BRAF: variants seen among roughly 807,000 people sequenced by gnomAD.
BRAF encodes the protein serine/threonine-protein kinase B-raf.
A neutral mutation model predicts 104.6 loss-of-function variants in BRAF; 16 were observed. The observed-to-expected ratio is 0.15, with a 90% CI of 0.10 to 0.23. The LOEUF (loss-of-function observed/expected upper bound fraction) is 0.23. Among genes scored for constraint, BRAF ranks in the 10% least tolerant of loss-of-function variants. The pLI, the probability that BRAF is intolerant of heterozygous loss-of-function variation, is 1.00. For missense variants in BRAF, 541 were observed against 937.3 expected (o/e 0.58, Z 5.52); for synonymous variants, 310 against 341.6 (o/e 0.91, Z 1.02).
At chr7:140,899,281 T>C (rs1356829125) in intron 1 of BRAF, among the ~76,000 whole-genome samples, 4 of 136,204 alleles carry the variant, frequency 2.9e-5, no homozygotes, top group African/African-American at 1.1e-4. Context: ...ACCCAATTCC[T>C]ACTTAATCAG....
intron 1 of BRAF, among the ~76,000 whole-genome samples, chr7:140,880,307 A>T (rs900715875): frequency 2.0e-5 from 3 of 152,220 alleles, no homozygotes. Flanking sequence ...GCTCATCTAT[A>T]AGAAGCAACT....
chr7:140,784,777 T>A (rs2129028437), intron 10 of BRAF, among the ~76,000 whole-genome samples: 1 of 152,184 alleles, frequency 6.6e-6, no homozygotes, highest in African/African-American at 2.4e-5. Flanking sequence ...CCCAAGTAGC[T>A]GGGATTACAG....
At chr7:140,818,946 CAAA>C (rs1470717528) in intron 3 of BRAF, among the ~76,000 whole-genome samples, 3 of 152,120 alleles carry the variant, frequency 2.0e-5, no homozygotes, top group Admixed American at 6.6e-5. Context: ...AACTTAAAAA[CAAA>C]GAAGATACTG....
intron 1 of BRAF, among the ~76,000 whole-genome samples, chr7:140,856,772 A>C (rs999161337): frequency 3.3e-5 from 5 of 152,208 alleles, no homozygotes; most frequent in African/African-American, 1.2e-4. Flanking sequence ...GCTGGCCATA[A>C]ATTTTCCAAA....
chr7:140,742,661 C>T (rs926275963), intron 17 of BRAF, among the ~76,000 whole-genome samples: 5 of 152,168 alleles, frequency 3.3e-5, no homozygotes, highest in Non-Finnish European at 7.3e-5. Context: ...AAAGGCACAC[C>T]TTTAGGACTT....
chr7:140,824,644 T>C (rs1054740018), intron 3 of BRAF, among the ~76,000 whole-genome samples: 3 of 151,620 alleles, frequency 2.0e-5, no homozygotes, highest in African/African-American at 7.3e-5. Context: ...GGACTTTCTA[T>C]TTCTGAGGAA....
chr7:140,828,965 C>G (rs1440869952), intron 3 of BRAF, among the ~76,000 whole-genome samples: 1 of 152,152 alleles, frequency 6.6e-6, no homozygotes, highest in African/African-American at 2.4e-5. Context: ...ACACTCACAA[C>G]TGACTGACTG....
chr7:140,714,288 A>C, the BRAF span, among the ~76,000 whole-genome samples: 1 of 152,162 alleles, frequency 6.6e-6, no homozygotes, highest in Admixed American at 6.5e-5. Flanking sequence ...AGGAGTTTTT[A>C]CTTTTTCTAA....
rs572213495 is a variant in BRAF at position 140,853,660 on chromosome 7, T to C, written c.139-3448A>G. The stretch of plus-strand genomic sequence containing the variant: ...TGTCTTACCAAGTTCATTCATCTCT[T>C]TATCCCAATGTCACCTTATCAATGA... On this transcript the variant is annotated intron_variant, in intron 1 of 19. Coordinates refer to ENST00000644969, the MANE Select transcript of BRAF (RefSeq NM_001374258.1). Among the ~76,000 whole-genome samples the C allele has an allele frequency of 9.2e-5, 14 of 152,300 alleles. No homozygotes were observed. The South Asian group carries it at 2.7e-3, about 29-fold the overall frequency.
At chr7:140,921,943 A>C (rs926803746) in intron 1 of BRAF, among the ~76,000 whole-genome samples, 2 of 152,224 alleles carry the variant, frequency 1.3e-5, no homozygotes, top group African/African-American at 4.8e-5. Context: ...GGAAGACTTC[A>C]AATAAAAGAC....
rs1411985503 is a variant in BRAF, at chr7:140,763,230, C to T, written c.1815-8997G>A. On this transcript the variant is annotated intron_variant, in intron 14 of 19. Transcript: ENST00000644969. ...CTCCCGGACGAGGCGGCTGGCCGGG[C>T]GGGGGGCTGACCCCCCAACCTCCCT... 7.9e-5 allele frequency among the ~76,000 whole-genome samples: 12 copies of T among 151,664 alleles called. No individual in the cohort carries two copies. In the South Asian group the frequency reaches 8.3e-4, roughly 11 times the overall value.
At position 140,725,527 on chromosome 7, in the gene BRAF, T is replaced by C. The variant is rs924864899; in HGVS notation, c.*967A>G. On this transcript the variant is annotated 3_prime_UTR_variant, in exon 20 of 20. Coordinates refer to ENST00000644969, the MANE Select transcript of BRAF (RefSeq NM_001374258.1). Reference sequence around the variant, plus strand: ...AAACCTGTACCTTATATTTAAATTATCTAAATTTCTCACATTCAAAACTGT... The same window carrying C: ...AAACCTGTACCTTATATTTAAATTACCTAAATTTCTCACATTCAAAACTGT... The C allele has an allele frequency of 1.0e-6, 1 of 1,004,900 alleles. No homozygotes were observed. Among genetic ancestry groups the C allele is most frequent in the Non-Finnish European group, 1.2e-6 (1 of 829,540 alleles). 62.2% of individuals were successfully genotyped at this position (1,004,900 alleles called of 1,614,324 possible).
At chr7:140,804,719 G>C (rs1803480698) in intron 5 of BRAF, among the ~76,000 whole-genome samples, 1 of 151,970 alleles carries the variant, frequency 6.6e-6, no homozygotes, top group African/African-American at 2.4e-5. Context: ...TATACAACAT[G>C]AATTAGAACT....
intron 2 of BRAF, among the ~76,000 whole-genome samples, chr7:140,842,464 A>C (rs1808067594): frequency 6.6e-6 from 1 of 152,186 alleles, no homozygotes; most frequent in Non-Finnish European, 1.5e-5. Flanking sequence ...ATTCAACCAT[A>C]AATTCTGAAG....
At chr7:140,902,920 CTT>C (rs111746402) in intron 1 of BRAF, among the ~76,000 whole-genome samples, 20 of 125,486 alleles carry the variant, frequency 1.6e-4, no homozygotes, top group East Asian at 6.7e-4. Flanking sequence ...GACAGGATGA[CTT>C]TTTTTTTTTT....
intron 19 of BRAF, among the ~76,000 whole-genome samples, chr7:140,727,185 C>CTT (rs927393889): frequency 1.4e-4 from 18 of 128,648 alleles, no homozygotes; most frequent in African/African-American, 2.2e-4. Context: ...TTATTTTTTT[C>CTT]TTTTTTTTTT....
chr7:140,785,022 T>C (rs952991616), intron 10 of BRAF, among the ~76,000 whole-genome samples: 2 of 152,350 alleles, frequency 1.3e-5, no homozygotes, highest in South Asian at 2.1e-4. Flanking sequence ...GAAATTATAC[T>C]GTAAACTTTC....
At chr7:140,897,827 T>A (rs1815136536) in intron 1 of BRAF, among the ~76,000 whole-genome samples, 1 of 151,522 alleles carries the variant, frequency 6.6e-6, no homozygotes, top group African/African-American at 2.4e-5. Context: ...AAAATCAAAA[T>A]CAAAATCAAA....
At chr7:140,753,137 A>T (rs373550506) in intron 16 of BRAF, 138 bp downstream of exon 15, 2 of 683,952 alleles carry the variant, frequency 2.9e-6, no homozygotes. Flanking sequence ...TATTTACATA[A>T]AAAATAAGAA....
Sources: gnomAD v4.1 joint callset for allele counts (sites outside exome capture counted in the v4.1 genomes callset) on GRCh38, gnomAD v4.1.1 for gene constraint, MANE v1.5 for transcripts, NCBI Gene and HGNC (gene_info 2026-07-23, HGNC 2026-07-21) for gene names.